The following SPINK5 variants were observed in gnomAD, a reference collection of about 807,000 sequenced individuals.
SPINK5 encodes the protein serine protease inhibitor Kazal-type 5.
Under a neutral mutation model 151.8 loss-of-function variants are expected in SPINK5, and 125 were observed. That is an observed-to-expected ratio of 0.82 (90% CI 0.71 to 0.96). The LOEUF is 0.96. Among genes scored for constraint, SPINK5 ranks in the 40% least tolerant of loss-of-function variants. The pLI is 0.00. For synonymous variants in SPINK5, 374 were observed against 395.3 expected, an observed-to-expected ratio of 0.95 and a Z score of 0.64; for missense variants, 1,194 against 1,291.9, an observed-to-expected ratio of 0.92 and a Z score of 1.16.
At chr5:148,077,970 T>C (rs1752927376) in intron 4 of SPINK5, among the ~76,000 whole-genome samples, 1 of 150,978 alleles carries the variant, frequency 6.6e-6, no homozygotes. Flanking sequence ...ATAAAAGTGA[T>C]TATATTAAAC....
intron 31 of SPINK5, among the ~76,000 whole-genome samples, chr5:148,132,430 T>G (rs1754598347): frequency 6.6e-6 from 1 of 152,124 alleles, no homozygotes; most frequent in Non-Finnish European, 1.5e-5. Flanking sequence ...ATGGTAGATA[T>G]AGGTAAGGTA....
Position 148,100,558 on chromosome 5 carries a change from C to T in SPINK5, c.1197C>T (p.Thr399=). ...QGPDGKVHGN[T]CSMCEVFFQA... ...CAGATGGGAAAGTGCATGGCAACAC[C>T]TGCTCCATGTGTGAGGTCTTCTTGT... Residue 399 remains threonine (T), a synonymous_variant, in exon 13 of 33, where the codon ACC becomes ACT. Transcript: ENST00000256084. The T allele has an allele frequency of 6.2e-7, 1 of 1,613,174 alleles. No homozygotes were observed.
intron 31 of SPINK5, among the ~76,000 whole-genome samples, chr5:148,132,273 C>A (rs968917736): frequency 6.6e-6 from 1 of 152,144 alleles, no homozygotes; most frequent in African/African-American, 2.4e-5. Flanking sequence ...TTTCCCATCT[C>A]ACCTGACCCC....
chr5:148,108,704 A>G (rs777539120), intron 17 of SPINK5, 49 bp from the exon 18 acceptor site: 50 of 1,596,942 alleles, frequency 3.1e-5, no homozygotes, highest in Admixed American at 8.4e-5. Flanking sequence ...TGTACTACCA[A>G]AAAGAGTAGG....
intron 9 of SPINK5, among the ~76,000 whole-genome samples, chr5:148,095,324 G>T (rs929549606): frequency 6.6e-6 from 1 of 151,714 alleles, no homozygotes; most frequent in African/African-American, 2.4e-5. Flanking sequence ...GCATGCCCAG[G>T]GCCCAGCCAA....
At chr5:148,096,868 C>T (rs1011439397) in intron 10 of SPINK5, among the ~76,000 whole-genome samples, 1 of 151,398 alleles carries the variant, frequency 6.6e-6, no homozygotes, top group Non-Finnish European at 1.5e-5. Context: ...AAGCTATCCT[C>T]ACACCTCAGC....
chr5:148,070,215 G>C, intron 2 of SPINK5, 108 bp from the exon 3 acceptor site: 3 of 1,311,890 alleles, frequency 2.3e-6, no homozygotes, highest in Non-Finnish European at 3.2e-6. Flanking sequence ...CCTTGGAATT[G>C]TGTGTGTATA....
chr5:148,095,751 T>A, intron 9 of SPINK5, 67 bp from the exon 10 acceptor site: 1 of 1,349,712 alleles, frequency 7.4e-7, no homozygotes. Context: ...TTTCCATCTA[T>A]ACCTAATGAC....
intron 7 of SPINK5, chr5:148,090,667 A>C (rs1753285381): frequency 6.4e-6 from 1 of 155,304 alleles, no homozygotes; most frequent in African/African-American, 2.4e-5. Context: ...ACAACTTAGT[A>C]CTTTTACATG....
chr5:148,114,430 T>G lies in SPINK5; in HGVS notation c.1956T>G (p.Pro652=), dbSNP rs749186224. The change falls in exon 21 of 33, where the codon CCT becomes CCG. Residue 652 remains proline (P), a synonymous_variant. Transcript: ENST00000256084. ...GKLFCTREND[P]VRGPDGKTHG... is the part of the protein sequence containing the mutation. ...TTTTCTGCACAAGAGAAAATGATCC[T>G]GTGCGTGGCCCAGATGGCAAGACCC... 1 of 1,613,834 alleles carries G rather than the reference T, an allele frequency of 6.2e-7. No homozygotes were observed. Among genetic ancestry groups the G allele is most frequent in the African/African-American group, 1.3e-5 (1 of 75,044 alleles).
At chr5:148,070,584 C>T in intron 3 of SPINK5, 134 bp downstream of exon 3, 1 of 1,111,554 alleles carries the variant, frequency 9.0e-7, no homozygotes, top group Non-Finnish European at 1.3e-6. Context: ...GAGCAGATCA[C>T]TCTGACATTT....
At chr5:148,087,895 A>G (rs1295518851) in intron 5 of SPINK5, among the ~76,000 whole-genome samples, 1 of 151,728 alleles carries the variant, frequency 6.6e-6, no homozygotes, top group African/African-American at 2.4e-5. Flanking sequence ...CCTTTGAAAT[A>G]ACTTTTTTCT....
intron 5 of SPINK5, among the ~76,000 whole-genome samples, chr5:148,087,302 C>G (rs1166933732): frequency 1.3e-5 from 2 of 151,726 alleles, no homozygotes; most frequent in Admixed American, 1.3e-4. Flanking sequence ...GACATACCTG[C>G]TTGGCGGGTT....
chr5:148,131,733 A>T (rs1754578432), intron 31 of SPINK5, among the ~76,000 whole-genome samples: 1 of 141,794 alleles, frequency 7.1e-6, no homozygotes, highest in Admixed American at 7.6e-5. Context: ...GGAGAAAAAC[A>T]GTAGAGAACT....
intron 7 of SPINK5, 122 bp downstream of exon 7, chr5:148,089,743 GA>G: frequency 7.1e-7 from 1 of 1,406,768 alleles, no homozygotes; most frequent in South Asian, 1.2e-5. Flanking sequence ...TTTACACTGT[GA>G]AATAGCCTTT....
intron 18 of SPINK5, 39 bp downstream of exon 18, chr5:148,108,876 A>G: frequency 2.5e-6 from 4 of 1,608,596 alleles, no homozygotes; most frequent in Non-Finnish European, 3.4e-6. Context: ...TAAATATTCA[A>G]CGATCACTCT....
chr5:148,078,178 C>T (rs1325747640), intron 4 of SPINK5, among the ~76,000 whole-genome samples: 1 of 150,960 alleles, frequency 6.6e-6, no homozygotes. Flanking sequence ...GACATTAAGA[C>T]ATTATTAGAG....
intron 21 of SPINK5, among the ~76,000 whole-genome samples, chr5:148,114,890 G>A (rs1754045195): frequency 6.6e-6 from 1 of 152,068 alleles, no homozygotes; most frequent in Non-Finnish European, 1.5e-5. Flanking sequence ...ATGAAAAGTA[G>A]GTCTTTACAC....
chr5:148,126,246 T>C (rs996827159), intron 29 of SPINK5, among the ~76,000 whole-genome samples: 33 of 152,308 alleles, frequency 2.2e-4, no homozygotes, highest in Non-Finnish European at 3.4e-4. Context: ...ATTTGTTTTT[T>C]AGAAAGAGTT....
Sources: allele counts gnomAD v4.1 joint callset (sites outside exome capture counted in the v4.1 genomes callset), GRCh38; gene constraint gnomAD v4.1.1; transcripts MANE v1.5; gene names NCBI Gene and HGNC (gene_info 2026-07-23, HGNC 2026-07-21).